The following FER variants were observed in gnomAD, a reference collection of about 807,000 sequenced individuals.
FER encodes the protein FER tyrosine kinase, also known as tyrosine-protein kinase Fer.
In FER, 63 loss-of-function variants were observed where a neutral mutation model predicts 111.0. That is an observed-to-expected ratio of 0.57 (90% CI 0.46 to 0.70). The LOEUF (loss-of-function observed/expected upper bound fraction) is 0.70, where lower values mean the gene tolerates loss of function less well. Ranked by LOEUF, FER falls within the 30% of genes least tolerant of loss-of-function variation. The probability of loss-of-function intolerance (pLI) is 0.00; values close to 1 mark genes in which losing one functional copy is unlikely to be tolerated. For synonymous variants in FER, 327 were observed against 313.9 expected (o/e 1.04, Z -0.44); for missense variants, 914 against 954.0 (o/e 0.96, Z 0.55).
intron 2 of FER, among the ~76,000 whole-genome samples, chr5:108,768,877 T>G (rs999699912): frequency 3.3e-4 from 50 of 151,530 alleles, no homozygotes; most frequent in African/African-American, 1.1e-3. Flanking sequence ...CAGGCTGGAG[T>G]GCAGTGGCAC....
At chr5:109,064,535 A>C (rs910725957) in intron 16 of FER, among the ~76,000 whole-genome samples, 2 of 152,128 alleles carry the variant, frequency 1.3e-5, no homozygotes, top group African/African-American at 4.8e-5. Flanking sequence ...TTTTCTATTA[A>C]TGAGGAAATG....
chr5:108,749,635 A>G (rs1442962539), intron 1 of FER, among the ~76,000 whole-genome samples: 1 of 151,786 alleles, frequency 6.6e-6, no homozygotes, highest in Middle Eastern at 3.2e-3. Context: ...CCCCCACCTC[A>G]TCTTTCTCCT....
intron 8 of FER, 102 bp from the exon 9 acceptor site, chr5:108,883,294 A>G (rs1325071095): frequency 6.5e-6 from 7 of 1,072,518 alleles, no homozygotes; most frequent in Non-Finnish European, 8.9e-6. Flanking sequence ...ATATGTGGCT[A>G]CTGTTTTGGA....
chr5:108,839,581 T>C (rs1024556937), intron 5 of FER, among the ~76,000 whole-genome samples: 2 of 143,328 alleles, frequency 1.4e-5, no homozygotes. Context: ...TCTTTTTTTT[T>C]TTTTTTTTTT....
At chr5:108,811,749 A>C (rs1757781343) in intron 3 of FER, among the ~76,000 whole-genome samples, 1 of 152,204 alleles carries the variant, frequency 6.6e-6, no homozygotes, top group African/African-American at 2.4e-5. Flanking sequence ...CGAGAACCAG[A>C]GGTACCTCCT....
chr5:108,996,747 C>CT (rs1018045201), intron 13 of FER, among the ~76,000 whole-genome samples: 23 of 152,034 alleles, frequency 1.5e-4, no homozygotes, highest in African/African-American at 4.6e-4. Context: ...TGTGTGGGCT[C>CT]TTTTTTTGTT....
intron 16 of FER, among the ~76,000 whole-genome samples, chr5:109,096,085 A>G (rs1297853661): frequency 6.6e-6 from 1 of 151,476 alleles, no homozygotes. Flanking sequence ...TTGTTGCATA[A>G]TAATCTCACT....
chr5:108,987,909 A>C (rs547489890), intron 13 of FER, among the ~76,000 whole-genome samples: 3 of 152,168 alleles, frequency 2.0e-5, no homozygotes, highest in African/African-American at 7.2e-5. Flanking sequence ...TTTCCCATTC[A>C]ATATTATGTT....
intron 11 of FER, among the ~76,000 whole-genome samples, chr5:108,950,647 C>G (rs1015637364): frequency 1.3e-5 from 2 of 151,980 alleles, no homozygotes; most frequent in African/African-American, 4.8e-5. Flanking sequence ...AAGATTAATT[C>G]AATAGATTCA....
intron 11 of FER, among the ~76,000 whole-genome samples, chr5:108,948,782 G>A (rs1304125318): frequency 6.6e-6 from 1 of 151,978 alleles, no homozygotes; most frequent in East Asian, 1.9e-4. Flanking sequence ...CCATCTTACA[G>A]CCACTCATGA....
At chr5:109,050,217 A>G (rs1420588046) in intron 16 of FER, among the ~76,000 whole-genome samples, 1 of 152,266 alleles carries the variant, frequency 6.6e-6, no homozygotes, top group Non-Finnish European at 1.5e-5. Flanking sequence ...AGAGAAAATA[A>G]AGAATCATAA....
At chr5:109,170,224 AT>A (rs1334169706) in intron 17 of FER, among the ~76,000 whole-genome samples, 2 of 152,148 alleles carry the variant, frequency 1.3e-5, no homozygotes, top group Non-Finnish European at 2.9e-5. Flanking sequence ...AAAAATGCAT[AT>A]TTTAGTCCTC....
rs1762363693 is a variant in FER at position 108,984,562 on chromosome 5, AG to A, written c.1656+25216del. 2.0e-5 allele frequency among the ~76,000 whole-genome samples: 3 copies of A among 148,382 alleles called. No homozygotes were observed. The Admixed American group carries it at 2.0e-4, about 10-fold the overall frequency. Reference sequence around the variant, plus strand: ...TTGGAGAATAAGTAAATGCCACGATAGTTTTTTTTTTTTACATTCTGTATTA... The same window carrying A: ...TTGGAGAATAAGTAAATGCCACGATATTTTTTTTTTTTACATTCTGTATTA... On this transcript the variant is annotated intron_variant, in intron 13 of 19. Transcript: ENST00000281092.
At chr5:109,162,011 A>G (rs773145458) in intron 17 of FER, among the ~76,000 whole-genome samples, 9 of 152,110 alleles carry the variant, frequency 5.9e-5, no homozygotes, top group Non-Finnish European at 1.2e-4. Flanking sequence ...TCTATCAATG[A>G]TGAGTTTTTC....
chr5:108,850,365 T>G (rs1050735616), intron 5 of FER, among the ~76,000 whole-genome samples: 6 of 152,150 alleles, frequency 3.9e-5, no homozygotes, highest in African/African-American at 1.4e-4. Context: ...GTGTTTCTGA[T>G]TTTTCTTCTG....
At chr5:109,059,656 G>T (rs1385053833) in intron 16 of FER, among the ~76,000 whole-genome samples, 1 of 152,208 alleles carries the variant, frequency 6.6e-6, no homozygotes, top group East Asian at 1.9e-4. Context: ...GGCAGTAGAG[G>T]TTAGTGGTGA....
intron 6 of FER, among the ~76,000 whole-genome samples, chr5:108,868,599 A>G (rs943334590): frequency 2.0e-5 from 3 of 152,010 alleles, no homozygotes; most frequent in Non-Finnish European, 2.9e-5. Context: ...ACTAAATTCA[A>G]TTTTCTTTCA....
At chr5:109,075,102 G>C (rs1581916550) in intron 16 of FER, among the ~76,000 whole-genome samples, 1 of 152,180 alleles carries the variant, frequency 6.6e-6, no homozygotes, top group Middle Eastern at 3.4e-3. Flanking sequence ...TGTCCCTTCT[G>C]TACACTTCCC....
At chr5:108,832,964 G>T in intron 4 of FER, 21 bp downstream of exon 4, 1 of 1,510,216 alleles carries the variant, frequency 6.6e-7, no homozygotes, top group Non-Finnish European at 8.9e-7. Flanking sequence ...CCATATTGAA[G>T]TTCTTTCTTG....
Sources: allele counts gnomAD v4.1 joint callset (sites outside exome capture counted in the v4.1 genomes callset), GRCh38; gene constraint gnomAD v4.1.1; transcripts MANE v1.5; gene names NCBI Gene and HGNC (gene_info 2026-07-23, HGNC 2026-07-21).